MGST2: variants seen among roughly 807,000 people sequenced by gnomAD.
MGST2 encodes the protein glutathione peroxidase MGST2.
In MGST2, 9 loss-of-function variants were observed where a neutral mutation model predicts 16.6. That is an observed-to-expected ratio of 0.54 (90% CI 0.33 to 0.95). The LOEUF is 0.95. Ranked by LOEUF, MGST2 falls within the 40% of genes least tolerant of loss-of-function variation. The pLI, the probability that MGST2 is intolerant of heterozygous loss-of-function variation, is 0.03. For missense variants in MGST2, 159 were observed against 175.1 expected, an observed-to-expected ratio of 0.91 and a Z score of 0.52; for synonymous variants, 79 against 68.0, an observed-to-expected ratio of 1.16 and a Z score of -0.79.
chr4:139,680,502 T>C (rs1273989473), intron 2 of MGST2, among the ~76,000 whole-genome samples: 4 of 152,226 alleles, frequency 2.6e-5, no homozygotes, highest in African/African-American at 4.8e-5. Flanking sequence ...GGGATGCTCT[T>C]GGTGCTTGCT....
chr4:139,681,777 G>C (rs941099826), intron 2 of MGST2, among the ~76,000 whole-genome samples: 24 of 152,032 alleles, frequency 1.6e-4, no homozygotes, highest in African/African-American at 5.6e-4. Context: ...GCACTTCTGT[G>C]TACCGGGCAT....
rs1412849206 is a variant in MGST2, at chr4:139,735,073, G to A, written c.*49-5139G>A. ...AATCAGGGCTCCCGCCCGCCCCTCCGCGGCCCCCGCCCCGCGCGTCTGGGC... is the reference window on the plus strand; with the variant it reads ...AATCAGGGCTCCCGCCCGCCCCTCCACGGCCCCCGCCCCGCGCGTCTGGGC... On this transcript the variant is annotated intron_variant, in intron 5 of 5. Transcript: ENST00000616265. The surrounding 1 kb of genome is among the most constrained non-coding windows in gnomAD (Gnocchi z 5.8). Among the ~76,000 whole-genome samples the A allele has an allele frequency of 6.6e-6, 1 of 152,136 alleles. No individual in the cohort carries two copies. Among genetic ancestry groups the A allele is most frequent in the Non-Finnish European group, 1.5e-5 (1 of 68,008 alleles).
At chr4:139,683,672 A>C (rs543144154) in intron 2 of MGST2, among the ~76,000 whole-genome samples, 1 of 152,100 alleles carries the variant, frequency 6.6e-6, no homozygotes, top group Admixed American at 6.6e-5. Context: ...CAGCCATGAG[A>C]CTGGATAAAA....
chr4:139,704,988 C>G (rs1272088577), downstream of MGST2, among the ~76,000 whole-genome samples: 1 of 152,116 alleles, frequency 6.6e-6, no homozygotes, highest in Non-Finnish European at 1.5e-5. Context: ...AAAGTGTTTC[C>G]AGGCCAAAAG....
chr4:139,713,347 G>A (rs1381599932), intron 5 of MGST2, among the ~76,000 whole-genome samples: 2 of 151,108 alleles, frequency 1.3e-5, no homozygotes, highest in East Asian at 1.9e-4. Context: ...TTCCCAAAAC[G>A]GAGTCTGTGA....
At chr4:139,750,715 T>C in the MGST2 span, among the ~76,000 whole-genome samples, 1 of 152,232 alleles carries the variant, frequency 6.6e-6, no homozygotes, top group Non-Finnish European at 1.5e-5. Flanking sequence ...TTTCTTTGTA[T>C]ATTCTACCTA....
intron 5 of MGST2, among the ~76,000 whole-genome samples, chr4:139,734,691 T>A (rs553687922): frequency 6.6e-6 from 1 of 152,354 alleles, no homozygotes; most frequent in South Asian, 2.1e-4. Context: ...GTGGTAAAAA[T>A]ATCTCCCAAG....
intron 2 of MGST2, among the ~76,000 whole-genome samples, chr4:139,690,874 C>G (rs1726535481): frequency 3.3e-5 from 5 of 152,122 alleles, no homozygotes; most frequent in Non-Finnish European, 1.5e-5. Flanking sequence ...GTGCAGTAGT[C>G]CTGAGCCCCC....
At position 139,696,518 on chromosome 4, in the gene MGST2, C is replaced by T. The variant is rs151282573; in HGVS notation, c.229+1251C>T. ...TCATCTGGCAGTGGTTCAGAGCACT[C>T]GTCTCTACCAAGTCATCTTCTGTTA... On this transcript the variant is annotated intron_variant, in intron 3 of 4. Transcript: ENST00000265498. Among the ~76,000 whole-genome samples the T allele has an allele frequency of 1.3e-3, 191 of 152,304 alleles. 1 individual carries two copies. Among genetic ancestry groups the T allele is most frequent in the African/African-American group, 4.3e-3 (178 of 41,570 alleles).
intron 2 of MGST2, chr4:139,687,773 G>C (rs544234139): frequency 2.0e-4 from 30 of 152,264 alleles, no homozygotes; most frequent in African/African-American, 7.0e-4. Context: ...AGCTGATATG[G>C]AGTCCAGCCT....
intron 2 of MGST2, among the ~76,000 whole-genome samples, chr4:139,690,841 G>T (rs1726534094): frequency 6.6e-6 from 1 of 152,150 alleles, no homozygotes; most frequent in African/African-American, 2.4e-5. Context: ...TACTGCTCCT[G>T]GTTACCAGAT....
downstream of MGST2, among the ~76,000 whole-genome samples, chr4:139,742,666 C>T (rs1729206688): frequency 6.6e-6 from 1 of 152,170 alleles, no homozygotes; most frequent in South Asian, 2.1e-4. Flanking sequence ...GAAAACATCC[C>T]TGTTTACAAA....
the MGST2 span, among the ~76,000 whole-genome samples, chr4:139,750,168 C>T: frequency 2.0e-5 from 3 of 152,264 alleles, no homozygotes; most frequent in East Asian, 5.8e-4. Context: ...CATGATATTT[C>T]AATGCTAAGT....
chr4:139,674,172 C>A (rs1730845547), intron 1 of MGST2, among the ~76,000 whole-genome samples: 1 of 152,058 alleles, frequency 6.6e-6, no homozygotes, highest in African/African-American at 2.4e-5. Context: ...CAACATGTGC[C>A]CAAGGTGGTC....
At chr4:139,749,129 T>C in the MGST2 span, among the ~76,000 whole-genome samples, 2 of 152,176 alleles carry the variant, frequency 1.3e-5, no homozygotes, top group Non-Finnish European at 2.9e-5. Flanking sequence ...TTTCTTCAAA[T>C]TGAGAAAAGG....
intron 2 of MGST2, among the ~76,000 whole-genome samples, chr4:139,692,988 T>C (rs1726699416): frequency 6.6e-6 from 1 of 152,188 alleles, no homozygotes; most frequent in Admixed American, 6.5e-5. Flanking sequence ...TTTAAAACAA[T>C]CTTATCACAC....
intron 3 of MGST2, among the ~76,000 whole-genome samples, chr4:139,702,922 T>A (rs544162945): frequency 2.0e-5 from 3 of 148,484 alleles, no homozygotes; most frequent in Non-Finnish European, 3.0e-5. Context: ...CATTATAGTT[T>A]TTTATTTATT....
rs148337266 is a variant in MGST2 at position 139,710,614 on chromosome 4, A to G, written c.*48+6418A>G. Among the ~76,000 whole-genome samples, 21 of 152,318 alleles carry G rather than the reference A, an allele frequency of 1.4e-4. No homozygotes were observed. The East Asian group carries it at 3.3e-3, about 24-fold the overall frequency. Reference sequence around the variant, plus strand: ...GGGAGAGTGCTAAGCCAATATCAAAAGAACAAAGCCCAATGCCATGCTGTT... The same window carrying G: ...GGGAGAGTGCTAAGCCAATATCAAAGGAACAAAGCCCAATGCCATGCTGTT... On this transcript the variant is annotated intron_variant, in intron 5 of 5. Coordinates refer to the MGST2 transcript ENST00000616265.
intron 2 of MGST2, among the ~76,000 whole-genome samples, chr4:139,689,745 A>G (rs183921702): frequency 3.9e-4 from 60 of 152,362 alleles, no homozygotes; most frequent in Non-Finnish European, 6.9e-4. Context: ...ACCTGGCATT[A>G]GAAATGGCTC....
Sources: allele counts gnomAD v4.1 joint callset (sites outside exome capture counted in the v4.1 genomes callset), GRCh38; gene constraint gnomAD v4.1.1; non-coding constraint Gnocchi (gnomAD v3.1); transcripts MANE v1.5; gene names NCBI Gene and HGNC (gene_info 2026-07-23, HGNC 2026-07-21).